The following PLEKHO1 variants were observed in gnomAD, a reference collection of about 807,000 sequenced individuals.
The protein encoded by PLEKHO1 is pleckstrin homology domain containing O1, also known as pleckstrin homology domain-containing family O member 1.
PLEKHO1 carries 22 observed loss-of-function variants against 41.4 expected under a neutral mutation model. That is an observed-to-expected ratio of 0.53 (90% CI 0.38 to 0.76). The LOEUF is 0.76. Among genes scored for constraint, PLEKHO1 ranks in the 30% least tolerant of loss-of-function variants. PLEKHO1 has a pLI of 0.00. For missense variants in PLEKHO1, 488 were observed against 518.3 expected (o/e 0.94, Z 0.57); for synonymous variants, 225 against 210.8 (o/e 1.07, Z -0.58).
At chr1:150,158,700 ACTT>A in intron 5 of PLEKHO1, 116 bp from the exon 6 acceptor site, 1 of 736,436 alleles carries the variant, frequency 1.4e-6, no homozygotes, top group Non-Finnish European at 2.3e-6. Context: ...AAAAAAAAGT[ACTT>A]CTCATTCAAG....
rs1660333716 is a variant in PLEKHO1, at chr1:150,159,360, A to T, written c.1067A>T (p.Glu356Val). Residue 356 changes from glutamate to valine, a missense_variant, in exon 6 of 6, where the codon GAA (glutamate) becomes GTA (valine). Physicochemically the swap from Glu to Val is moderately radical, Grantham distance 121 (BLOSUM62 -2). Around this residue, in one of 3 missense-constraint regions of PLEKHO1, gnomAD observed 337 missense variants for 324.6 expected, o/e 1.04. Transcript: ENST00000369124. The stretch of plus-strand genomic sequence containing the variant: ...TCAGAGCAGCTGCTGCTGGAGACGG[A>T]ACGGCTGCTGGGAGAGGCATCATCG... ...SESEQLLLET[E>V]RLLGEASSNW... is the part of the protein sequence containing the mutation. The T allele has an allele frequency of 5.0e-6, 8 of 1,614,154 alleles. No individual in the cohort carries two copies. Among genetic ancestry groups the T allele is most frequent in the Non-Finnish European group, 6.8e-6 (8 of 1,180,030 alleles).
In PLEKHO1 at chr1:150,159,205, G is replaced by A. The variant is rs782194532; in HGVS notation, c.912G>A (p.Gln304=). The A allele has an allele frequency of 6.8e-6, 11 of 1,614,024 alleles. No individual in the cohort carries two copies. In the East Asian group the frequency reaches 2.5e-4, roughly 36 times the overall value. Residue 304 remains glutamine, a synonymous_variant, in exon 6 of 6, where the codon CAG becomes CAA. Coordinates refer to ENST00000369124, the MANE Select transcript of PLEKHO1 (RefSeq NM_016274.6). ...PPTPALPNPG[Q]LSRIQDLVAR... is the part of the protein sequence containing the mutation. Reference sequence around the variant, plus strand: ...CCCCTGCCCTCCCCAACCCGGGGCAGCTGTCCCGGATCCAGGACCTGGTAG... The same window carrying A: ...CCCCTGCCCTCCCCAACCCGGGGCAACTGTCCCGGATCCAGGACCTGGTAG...
chr1:150,158,804 C>T lies in PLEKHO1; in HGVS notation c.526-15C>T, dbSNP rs781977239. 3 of 1,563,514 alleles carry T rather than the reference C, an allele frequency of 1.9e-6. No homozygotes were observed. The African/African-American group carries it at 4.1e-5, about 21-fold the overall frequency. On this transcript the variant is annotated splice_polypyrimidine_tract_variant and intron_variant, in intron 5 of 5. Coordinates refer to ENST00000369124, the MANE Select transcript of PLEKHO1 (RefSeq NM_016274.6). The stretch of plus-strand genomic sequence containing the variant: ...TGATGACAGGTTCCCCACTCATTCC[C>T]CCCTTCCTCCACAGGCTTCCACCTC...
intron 5 of PLEKHO1, 112 bp from the exon 6 acceptor site, chr1:150,158,707 A>C: frequency 1.3e-6 from 1 of 773,404 alleles, no homozygotes; most frequent in South Asian, 1.7e-5. Flanking sequence ...AGTACTTCTC[A>C]TTCAAGGAAG....
intron 2 of PLEKHO1, among the ~76,000 whole-genome samples, chr1:150,152,410 C>T (rs2101684117): frequency 6.6e-6 from 1 of 152,278 alleles, no homozygotes; most frequent in South Asian, 2.1e-4. Flanking sequence ...TCAAGTGATC[C>T]TCCCACCTCA....
Position 150,159,325 on chromosome 1 carries a change from G to C in PLEKHO1, c.1032G>C (p.Pro344=). The change falls in exon 6 of 6, where the codon CCG becomes CCC. Residue 344 remains proline, a synonymous_variant. Coordinates refer to ENST00000369124, the MANE Select transcript of PLEKHO1 (RefSeq NM_016274.6). ...CCAAGGACCCCCCTCGGTCTCCGCC[G>C]GATTCTGAGTCAGAGCAGCTGCTGC... is the stretch of plus-strand genomic sequence containing the variant. The part of the protein sequence containing the change: ...RKAKDPPRSP[P]DSESEQLLLE... 6.2e-7 allele frequency: 1 copy of C among 1,614,192 alleles called. No homozygotes were observed. The highest frequency in any genetic ancestry group is 8.5e-7 in the Non-Finnish European group (1 of 1,180,046).
intron 4 of PLEKHO1, 163 bp from the exon 5 acceptor site, chr1:150,157,222 G>T (rs1446668075): frequency 7.0e-6 from 5 of 713,548 alleles, no homozygotes; most frequent in Admixed American, 2.3e-5. Context: ...CATGATGGGG[G>T]AGCCAGCCTT....
intron 2 of PLEKHO1, chr1:150,154,535 T>TA (rs1553819919): frequency 6.6e-6 from 1 of 152,268 alleles, no homozygotes; most frequent in Non-Finnish European, 1.5e-5. Context: ...GATGGGCAGA[T>TA]ACAAGACTGT....
chr1:150,159,196 C>G lies in PLEKHO1; in HGVS notation c.903C>G (p.Asn301Lys), dbSNP rs781896039. 3.1e-6 allele frequency: 5 copies of G among 1,613,940 alleles called. No individual in the cohort carries two copies. Among genetic ancestry groups the G allele is most frequent in the Non-Finnish European group, 3.4e-6 (4 of 1,179,904 alleles). Residue 301 changes from asparagine to lysine, a missense_variant, in exon 6 of 6, where the codon AAC (asparagine) becomes AAG (lysine). Asn to Lys is a moderately conservative substitution (Grantham distance 94, BLOSUM62 0). This residue lies in a region of PLEKHO1 where 337 missense variants were observed against 324.6 expected (regional missense o/e 1.04). Transcript: ENST00000369124. ...AACCCCCAACCCCTGCCCTCCCCAA[C>G]CCGGGGCAGCTGTCCCGGATCCAGG... ...AEEPPTPALP[N>K]PGQLSRIQDL... is the part of the protein sequence containing the mutation.
At position 150,151,023 on chromosome 1, in the gene PLEKHO1, C is replaced by T. The variant is rs587596528; in HGVS notation, c.142C>T (p.Leu48=). 8 of 1,614,142 alleles carry T rather than the reference C, an allele frequency of 5.0e-6. No individual in the cohort carries two copies. The African/African-American group carries it at 8.0e-5, about 16-fold the overall frequency. ...REIWKNRYVV[L]KGDQLYISEK... is the part of the protein sequence containing the mutation. ...GATTTGGAAAAACCGCTATGTGGTGCTGAAAGGGGACCAGCTCTACATCTC... is the reference window on the plus strand; with the variant it reads ...GATTTGGAAAAACCGCTATGTGGTGTTGAAAGGGGACCAGCTCTACATCTC... Residue 48 remains leucine (L), a synonymous_variant, in exon 2 of 6, where the codon CTG becomes TTG. Coordinates refer to ENST00000369124, the MANE Select transcript of PLEKHO1 (RefSeq NM_016274.6).
chr1:150,159,855 G>A lies in PLEKHO1; in HGVS notation c.*332G>A. The A allele has an allele frequency of 4.6e-6, 1 of 218,598 alleles. No homozygotes were observed. The highest frequency in any genetic ancestry group is 9.2e-6 in the Non-Finnish European group (1 of 109,180). 13.5% of individuals were successfully genotyped at this position (218,598 alleles called of 1,614,324 possible). A position where few individuals can be genotyped will look rare whatever the true frequency, so the allele number is the denominator to read the frequency against. On this transcript the variant is annotated 3_prime_UTR_variant, in exon 6 of 6. Coordinates refer to ENST00000369124, the MANE Select transcript of PLEKHO1 (RefSeq NM_016274.6). ...CAGGGAGTCCACTGCTGCTCCCAAG[G>A]ATACAGTGGGCTTCTAAGCTTAGAG...
chr1:150,150,829 C>G lies in PLEKHO1; in HGVS notation c.31-83C>G, dbSNP rs368806239. The G allele has an allele frequency of 5.9e-5, 79 of 1,346,300 alleles. No individual in the cohort carries two copies. The African/African-American group carries it at 9.9e-4, about 17-fold the overall frequency. The allele number at this position is 1,346,300 out of a possible 1,614,324, so 83.4% of individuals were successfully genotyped here. A position where few individuals can be genotyped will look rare whatever the true frequency, so the allele number is the denominator to read the frequency against. On this transcript the variant is annotated intron_variant, in intron 1 of 5. Coordinates refer to ENST00000369124, the MANE Select transcript of PLEKHO1 (RefSeq NM_016274.6). ...CAGCCTTCGGAGGAGACTGGGCCGC[C>G]GAGGCGGTCGTGAGAGACGGACGGA... is the stretch of plus-strand genomic sequence containing the variant.
rs781870851 is a variant in PLEKHO1 at position 150,151,012 on chromosome 1, G to A, written c.131G>A (p.Arg44His). Residue 44 changes from arginine (R) to histidine (H), a missense_variant, in exon 2 of 6, where the codon CGC (arginine) becomes CAC (histidine). Transcript: ENST00000369124. Reference protein sequence around the residue: ...KGIFREIWKNRYVVLKGDQLY... With the variant: ...KGIFREIWKNHYVVLKGDQLY... The stretch of plus-strand genomic sequence containing the variant: ...ATTTTCAGGGAGATTTGGAAAAACC[G>A]CTATGTGGTGCTGAAAGGGGACCAG... 1.2e-6 allele frequency: 2 copies of A among 1,614,150 alleles called. No individual in the cohort carries two copies. Among genetic ancestry groups the A allele is most frequent in the African/African-American group, 1.3e-5 (1 of 75,050 alleles).
Position 150,159,681 on chromosome 1 carries a change from C to A in PLEKHO1, c.*158C>A. ...CCCACTACAACCCTTATTGCCCCAC[C>A]TACTTTCCATATGCCCCTCGTATGC... On this transcript the variant is annotated 3_prime_UTR_variant, in exon 6 of 6. Transcript: ENST00000369124. 1.8e-6 allele frequency: 1 copy of A among 567,330 alleles called. No homozygotes were observed. The highest frequency in any genetic ancestry group is 3.1e-6 in the Non-Finnish European group (1 of 317,460). The allele number at this position is 567,330 out of a possible 1,614,324, so 35.1% of individuals were successfully genotyped here. A position where few individuals can be genotyped will look rare whatever the true frequency, so the allele number is the denominator to read the frequency against.
chr1:150,151,730 C>T (rs988155221), intron 2 of PLEKHO1, among the ~76,000 whole-genome samples: 1 of 152,006 alleles, frequency 6.6e-6, no homozygotes, highest in Non-Finnish European at 1.5e-5. Context: ...GTTAAGAACC[C>T]CTGTATGTCT....
chr1:150,153,976 AC>A (rs1660064216), intron 2 of PLEKHO1: 1 of 151,268 alleles, frequency 6.6e-6, no homozygotes, highest in African/African-American at 2.4e-5. Context: ...CTTCCCAGGC[AC>A]TGGAATATAC....
At position 150,150,180 on chromosome 1, in the gene PLEKHO1, GGAGCCCCCGCGGTGCCGCC is replaced by G. The variant is rs1468529368; in HGVS notation, c.-74_-56del. On this transcript the variant is annotated 5_prime_UTR_variant, in exon 1 of 6. Transcript: ENST00000369124. ...AGCTCCGACGCCCTCCCGCGGGGAA[GGAGCCCCCGCGGTGCCGCC>G]GAGGCCCCGACGCGGGGCCGCCCCT... 6.3e-6 allele frequency: 4 copies of G among 635,958 alleles called. No homozygotes were observed. Among genetic ancestry groups the G allele is most frequent in the African/African-American group, 5.9e-5 (3 of 50,680 alleles). 39.4% of individuals were successfully genotyped at this position (635,958 alleles called of 1,614,324 possible).
At chr1:150,157,346 C>A in intron 4 of PLEKHO1, 39 bp from the exon 5 acceptor site, 2 of 1,454,920 alleles carry the variant, frequency 1.4e-6, no homozygotes, top group South Asian at 2.3e-5. Context: ...GACAGCGAGT[C>A]GCTGAAGAGC....
intron 3 of PLEKHO1, 54 bp downstream of exon 3, chr1:150,156,260 C>T (rs1559961799): frequency 8.3e-6 from 12 of 1,453,610 alleles, no homozygotes; most frequent in Non-Finnish European, 1.0e-5. Flanking sequence ...TTGGAGGGGG[C>T]AGGGGAGAAC....
Sources: allele counts gnomAD v4.1 joint callset (sites outside exome capture counted in the v4.1 genomes callset), GRCh38; gene constraint gnomAD v4.1.1; regional missense constraint gnomAD v4.1.1; transcripts MANE v1.5; gene names NCBI Gene and HGNC (gene_info 2026-07-23, HGNC 2026-07-21).